PIK3C2A: variants seen among roughly 807,000 people sequenced by gnomAD.
The protein encoded by PIK3C2A is phosphatidylinositol 4-phosphate 3-kinase C2 domain-containing subunit alpha.
In PIK3C2A, 97 loss-of-function variants were observed where a neutral mutation model predicts 204.5. The observed-to-expected ratio is 0.47, with a 90% CI of 0.40 to 0.56. The LOEUF (loss-of-function observed/expected upper bound fraction) is 0.56, where lower values mean the gene tolerates loss of function less well. Ranked by LOEUF, PIK3C2A falls within the 20% of genes least tolerant of loss-of-function variation. PIK3C2A has a pLI of 0.00. For missense variants in PIK3C2A, 1,735 were observed against 1,969.2 expected (o/e 0.88, Z 2.25); for synonymous variants, 653 against 664.4 (o/e 0.98, Z 0.26).
intron 22 of PIK3C2A, among the ~76,000 whole-genome samples, chr11:17,107,850 G>C (rs544358914): frequency 1.1e-3 from 163 of 152,174 alleles, no homozygotes; most frequent in African/African-American, 3.7e-3. Context: ...ACATATGGCA[G>C]AATGAATTCA....
intron 8 of PIK3C2A, among the ~76,000 whole-genome samples, chr11:17,143,956 C>T (rs997301261): frequency 1.4e-4 from 21 of 151,592 alleles, no homozygotes; most frequent in African/African-American, 4.6e-4. Context: ...AAAACAACAA[C>T]AACAAAAAAT....
intron 9 of PIK3C2A, among the ~76,000 whole-genome samples, chr11:17,135,771 C>T (rs1849853154): frequency 6.6e-6 from 1 of 151,712 alleles, no homozygotes; most frequent in African/African-American, 2.4e-5. Context: ...AAACCCACAT[C>T]TCTACATACC....
intron 1 of PIK3C2A, among the ~76,000 whole-genome samples, chr11:17,175,929 C>A (rs1241191105): frequency 6.6e-6 from 1 of 151,218 alleles, no homozygotes; most frequent in African/African-American, 2.4e-5. Context: ...TTGAGTTGAA[C>A]AATACAGATA....
At chr11:17,153,382 C>T (rs1850480394) in intron 3 of PIK3C2A, among the ~76,000 whole-genome samples, 2 of 151,274 alleles carry the variant, frequency 1.3e-5, no homozygotes, top group African/African-American at 4.9e-5. Context: ...TTGCAGTGAA[C>T]TGAGATCGCA....
intron 1 of PIK3C2A, chr11:17,193,486 G>T: frequency 2.2e-6 from 1 of 448,574 alleles, no homozygotes; most frequent in South Asian, 1.6e-5. Flanking sequence ...TTAGGGTGCA[G>T]ACATGGCCAA....
chr11:17,147,492 A>G, intron 6 of PIK3C2A, 25 bp downstream of exon 6: 1 of 1,201,002 alleles, frequency 8.3e-7, no homozygotes, highest in South Asian at 1.3e-5. Flanking sequence ...AACAAATGGA[A>G]TTCAGTTATG....
chr11:17,117,716 T>TG, intron 18 of PIK3C2A, 45 bp from the exon 19 acceptor site: 1 of 1,174,508 alleles, frequency 8.5e-7, no homozygotes, highest in South Asian at 1.6e-5. Flanking sequence ...TGGTTTTTTT[T>TG]TTTTTTTTTT....
chr11:17,135,049 AG>A lies in PIK3C2A; in HGVS notation c.1898-21del. On this transcript the variant is annotated intron_variant, in intron 10 of 32. Coordinates refer to ENST00000691414, the MANE Select transcript of PIK3C2A (RefSeq NM_002645.4). ...GTGAGCCTAGATTAAAGAAAAAAAA[AG>A]TTAATAGATTCTCTGAAAAGGCGAT... 2 of 1,612,400 alleles carry A rather than the reference AG, an allele frequency of 1.2e-6. No individual in the cohort carries two copies.
chr11:17,107,279 C>T (rs1590913455), intron 22 of PIK3C2A, among the ~76,000 whole-genome samples: 1 of 152,026 alleles, frequency 6.6e-6, no homozygotes, highest in South Asian at 2.1e-4. Context: ...CGCCATTGCA[C>T]TCCAGCCTGG....
intron 1 of PIK3C2A, among the ~76,000 whole-genome samples, chr11:17,187,492 A>C (rs1851793974): frequency 6.6e-6 from 1 of 152,186 alleles, no homozygotes; most frequent in Admixed American, 6.5e-5. Flanking sequence ...GTTTCAGAAC[A>C]CTTTCATCAC....
intron 8 of PIK3C2A, among the ~76,000 whole-genome samples, chr11:17,143,515 G>A (rs1286545980): frequency 1.3e-5 from 2 of 151,564 alleles, no homozygotes; most frequent in South Asian, 2.1e-4. Flanking sequence ...AACTTTTTCT[G>A]TACAGGGCCA....
At chr11:17,167,873 C>A (rs190880034) in intron 2 of PIK3C2A, among the ~76,000 whole-genome samples, 41 of 152,140 alleles carry the variant, frequency 2.7e-4, no homozygotes, top group African/African-American at 9.4e-4. Context: ...TCACTTTTAT[C>A]GACAAAAGTG....
At position 17,169,410 on chromosome 11, in the gene PIK3C2A, G is replaced by C. The variant is rs778050457; in HGVS notation, c.332C>G (p.Thr111Ser). 1.2e-6 allele frequency: 2 copies of C among 1,614,078 alleles called. No homozygotes were observed. Among genetic ancestry groups the C allele is most frequent in the South Asian group, 2.2e-5 (2 of 91,076 alleles). ...EKLLLDDSFE[T>S]KKTPVLPVTP... ...AACTGGTAATACAGGTGTTTTTTTA[G>C]TCTCGAAACTGTCATCCAGCAATAG... The change falls in exon 2 of 33, where the codon ACT (threonine) becomes AGT (serine). Residue 111 changes from threonine to serine, a missense_variant. This residue lies in a region of PIK3C2A where 536 missense variants were observed against 546.7 expected (regional missense o/e 0.98). Coordinates refer to ENST00000691414, the MANE Select transcript of PIK3C2A (RefSeq NM_002645.4).
chr11:17,138,270 G>A, intron 8 of PIK3C2A: 1 of 767,814 alleles, frequency 1.3e-6, no homozygotes, highest in Non-Finnish European at 2.3e-6. Flanking sequence ...GGACAGGCTA[G>A]GAAAGCCTAT....
chr11:17,169,606 T>A lies in PIK3C2A; in HGVS notation c.136A>T (p.Arg46Ter). 6.2e-7 allele frequency: 1 copy of A among 1,614,156 alleles called. No individual in the cohort carries two copies. The highest frequency in any genetic ancestry group is 8.5e-7 in the Non-Finnish European group (1 of 1,180,030). Reference protein sequence around the residue: ...AEALAKLQKDRQVTDNQRGFE... With the variant: ...AEALAKLQKD Reference sequence around the variant, plus strand: ...CCTCTCTGATTGTCAGTCACTTGTCTATCCTTTTGCAGTTTTGCTAAAGCC... The same window carrying A: ...CCTCTCTGATTGTCAGTCACTTGTCAATCCTTTTGCAGTTTTGCTAAAGCC... Residue 46 changes from arginine (R) to a stop codon, truncating the protein, a stop_gained, in exon 2 of 33, where the codon AGA (arginine) becomes TGA (stop). Coordinates refer to ENST00000691414, the MANE Select transcript of PIK3C2A (RefSeq NM_002645.4). LOFTEE classifies it high-confidence loss of function.
chr11:17,091,967 A>T (rs1010640714), intron 30 of PIK3C2A, 29 bp downstream of exon 30: 3 of 1,391,896 alleles, frequency 2.2e-6, no homozygotes, highest in Non-Finnish European at 3.1e-6. Flanking sequence ...ATCATGAGTT[A>T]CCAATAAAGA....
chr11:17,127,830 C>T (rs1849571281), intron 13 of PIK3C2A, among the ~76,000 whole-genome samples: 1 of 151,684 alleles, frequency 6.6e-6, no homozygotes, highest in Non-Finnish European at 1.5e-5. Flanking sequence ...CCAAACTGTC[C>T]CAAGGGACAC....
In PIK3C2A at chr11:17,100,026, ACT is replaced by A. The variant is rs1848571728; in HGVS notation, c.4009-59_4009-58del. ...AAATTTTTTAAAACATTTGTTCCTCACTCCTTCCTGTGGGCTGCTCAAGTAAT... is the reference window on the plus strand; with the variant it reads ...AAATTTTTTAAAACATTTGTTCCTCACCTTCCTGTGGGCTGCTCAAGTAAT... On this transcript the variant is annotated intron_variant, in intron 25 of 32. Coordinates refer to ENST00000691414, the MANE Select transcript of PIK3C2A (RefSeq NM_002645.4). 4 of 829,140 alleles carry A rather than the reference ACT, an allele frequency of 4.8e-6. No individual in the cohort carries two copies. In the Admixed American group the frequency reaches 7.7e-5, roughly 16 times the overall value. 51.4% of individuals were successfully genotyped at this position (829,140 alleles called of 1,614,324 possible).
chr11:17,093,648 G>T (rs959585122), intron 28 of PIK3C2A, among the ~76,000 whole-genome samples: 43 of 107,768 alleles, frequency 4.0e-4, no homozygotes, highest in African/African-American at 4.7e-4. Flanking sequence ...CTTTTTTTTT[G>T]GGGGGGGGGG....
Sources: allele counts gnomAD v4.1 joint callset (sites outside exome capture counted in the v4.1 genomes callset), GRCh38; gene constraint gnomAD v4.1.1; regional missense constraint gnomAD v4.1.1; transcripts MANE v1.5; gene names NCBI Gene and HGNC (gene_info 2026-07-23, HGNC 2026-07-21).